The following SNX24 variants were observed in gnomAD, a reference collection of about 807,000 sequenced individuals.
The protein encoded by SNX24 is sorting nexin 24.
Under a neutral mutation model 28.7 loss-of-function variants are expected in SNX24, and 22 were observed. The ratio of observed to expected loss-of-function variants is 0.77; its 90% CI spans 0.55 to 1.10. The LOEUF is 1.10. SNX24 is among the 50% of genes least tolerant of loss of function. The pLI is 0.00. For synonymous variants in SNX24, 69 were observed against 71.5 expected, an observed-to-expected ratio of 0.96 and a Z score of 0.18; for missense variants, 221 against 201.1, an observed-to-expected ratio of 1.10 and a Z score of -0.60.
At chr5:122,981,036 A>G (rs1427835933) in intron 3 of SNX24, among the ~76,000 whole-genome samples, 1 of 152,162 alleles carries the variant, frequency 6.6e-6, no homozygotes, top group East Asian at 1.9e-4. Context: ...ATACTTCTAA[A>G]CCAAGCTCCC....
chr5:122,857,625 C>G (rs1561512179), intron 1 of SNX24, among the ~76,000 whole-genome samples: 1 of 152,088 alleles, frequency 6.6e-6, no homozygotes, highest in Non-Finnish European at 1.5e-5. Flanking sequence ...GTCTTCTCAT[C>G]ATTTAGCGCC....
intron 1 of SNX24, among the ~76,000 whole-genome samples, chr5:122,858,630 G>A (rs908459184): frequency 3.9e-5 from 6 of 152,188 alleles, no homozygotes; most frequent in Non-Finnish European, 7.3e-5. Flanking sequence ...ATGCATTACT[G>A]TAGCAGTTTA....
chr5:122,927,190 A>G (rs1758737273), intron 1 of SNX24, among the ~76,000 whole-genome samples: 1 of 152,236 alleles, frequency 6.6e-6, no homozygotes, highest in South Asian at 2.1e-4. Context: ...TGAGGCTTGT[A>G]CAGGTTAAAC....
At chr5:122,893,305 T>C (rs1387505087) in intron 1 of SNX24, among the ~76,000 whole-genome samples, 1 of 151,968 alleles carries the variant, frequency 6.6e-6, no homozygotes, top group Admixed American at 6.6e-5. Flanking sequence ...TTGATGACCA[T>C]TTCTTATGTT....
At chr5:122,938,390 A>G (rs1471236435) in intron 2 of SNX24, among the ~76,000 whole-genome samples, 1 of 152,208 alleles carries the variant, frequency 6.6e-6, no homozygotes, top group Admixed American at 6.5e-5. Flanking sequence ...CTATTCTTAT[A>G]ATTATATAAT....
chr5:123,017,273 AGG>A (rs1381505262), intron 5 of SNX24, among the ~76,000 whole-genome samples: 1 of 152,030 alleles, frequency 6.6e-6, no homozygotes, highest in Non-Finnish European at 1.5e-5. Context: ...GACTCTAGGG[AGG>A]GTGGTTCCTT....
intron 1 of SNX24, among the ~76,000 whole-genome samples, chr5:122,901,917 G>A (rs369313881): frequency 6.6e-6 from 1 of 152,142 alleles, no homozygotes; most frequent in East Asian, 1.9e-4. Flanking sequence ...AAAACTGATT[G>A]CATTATATCC....
At chr5:122,865,475 T>G (rs1426911721) in intron 1 of SNX24, among the ~76,000 whole-genome samples, 1 of 152,132 alleles carries the variant, frequency 6.6e-6, no homozygotes, top group Non-Finnish European at 1.5e-5. Context: ...GGATTACAGG[T>G]GCACACCACC....
intron 1 of SNX24, among the ~76,000 whole-genome samples, chr5:122,867,554 G>T (rs1186900261): frequency 1.3e-5 from 2 of 152,074 alleles, no homozygotes; most frequent in Non-Finnish European, 2.9e-5. Context: ...AGCCAGGTTG[G>T]CTTTGGTGAG....
intron 1 of SNX24, among the ~76,000 whole-genome samples, chr5:122,904,631 C>G (rs888765988): frequency 6.6e-6 from 1 of 152,078 alleles, no homozygotes. Flanking sequence ...GCAGTTACAG[C>G]TTTTTCTGTA....
chr5:122,961,291 C>G (rs994019240), intron 3 of SNX24, among the ~76,000 whole-genome samples: 2 of 152,194 alleles, frequency 1.3e-5, no homozygotes, highest in African/African-American at 4.8e-5. Context: ...CCATGGCAGT[C>G]TTGGTTCTTA....
rs955263562 is a variant in SNX24, at chr5:123,009,171, G to C, written c.*1422G>C. On this transcript the variant is annotated 3_prime_UTR_variant, in exon 7 of 7. Coordinates refer to ENST00000261369, the MANE Select transcript of SNX24 (RefSeq NM_014035.4). ...TTTTTAAAATGTTTTTATGTTATTA[G>C]CTATTTGGAGTTAAATAAAAACAGA... is the stretch of plus-strand genomic sequence containing the variant. 6 of 983,508 alleles carry C rather than the reference G, an allele frequency of 6.1e-6. No individual in the cohort carries two copies. Among genetic ancestry groups the C allele is most frequent in the Non-Finnish European group, 7.2e-6 (6 of 827,874 alleles). 60.9% of individuals were successfully genotyped at this position (983,508 alleles called of 1,614,324 possible).
At chr5:122,873,425 T>G (rs1251100667) in intron 1 of SNX24, among the ~76,000 whole-genome samples, 8 of 152,110 alleles carry the variant, frequency 5.3e-5, no homozygotes. Context: ...AATTGGAAAT[T>G]TAGCTCAGAG....
chr5:122,994,534 T>C (rs2150169787), intron 3 of SNX24, among the ~76,000 whole-genome samples: 1 of 152,342 alleles, frequency 6.6e-6, no homozygotes, highest in Non-Finnish European at 1.5e-5. Context: ...AACTAATCAA[T>C]GGTATCCTTT....
intron 1 of SNX24, among the ~76,000 whole-genome samples, chr5:122,914,963 G>A (rs1188468147): frequency 6.6e-6 from 1 of 152,186 alleles, no homozygotes; most frequent in African/African-American, 2.4e-5. Context: ...CTTAGGTCCA[G>A]TTGAGGTGGA....
chr5:122,931,726 C>A (rs2150112263), intron 1 of SNX24, among the ~76,000 whole-genome samples: 1 of 152,184 alleles, frequency 6.6e-6, no homozygotes, highest in Middle Eastern at 3.4e-3. Flanking sequence ...TACTTGGAAC[C>A]TTGGGCTTAA....
At chr5:122,957,638 A>G (rs2150135455) in intron 3 of SNX24, among the ~76,000 whole-genome samples, 1 of 152,304 alleles carries the variant, frequency 6.6e-6, no homozygotes, top group South Asian at 2.1e-4. Context: ...TAACAATTTC[A>G]GGTCTCCTAA....
intron 3 of SNX24, among the ~76,000 whole-genome samples, chr5:122,978,065 T>G (rs75169570): frequency 0.03 from 4,601 of 152,308 alleles, 129 homozygotes; most frequent in East Asian, 0.04. Context: ...TTCATACTTA[T>G]TTTCTTTTCT....
chr5:122,984,413 T>TA (rs1421636932), intron 3 of SNX24, among the ~76,000 whole-genome samples: 2 of 152,274 alleles, frequency 1.3e-5, no homozygotes, highest in East Asian at 3.9e-4. Flanking sequence ...AAGAAGCTCC[T>TA]AAAAAATGAG....
Sources: allele counts gnomAD v4.1 joint callset (sites outside exome capture counted in the v4.1 genomes callset), GRCh38; gene constraint gnomAD v4.1.1; transcripts MANE v1.5; gene names NCBI Gene and HGNC (gene_info 2026-07-23, HGNC 2026-07-21).